The following ZFHX3 variants were observed in gnomAD, a reference collection of about 807,000 sequenced individuals.
ZFHX3 encodes the protein zinc finger homeobox protein 3.
In ZFHX3, 42 loss-of-function variants were observed where a neutral mutation model predicts 279.1. The ratio of observed to expected loss-of-function variants is 0.15; its 90% CI spans 0.12 to 0.19. The LOEUF is 0.19. ZFHX3 is among the 10% of genes least tolerant of loss of function. The pLI is 1.00. For missense variants in ZFHX3, 4,981 were observed against 4,754.0 expected, an observed-to-expected ratio of 1.05 and a Z score of -1.40; for synonymous variants, 2,293 against 1,957.8, an observed-to-expected ratio of 1.17 and a Z score of -4.52.
At chr16:73,807,574 C>A (rs1222596732) in intron 1 of ZFHX3, among the ~76,000 whole-genome samples, 1 of 151,144 alleles carries the variant, frequency 6.6e-6, no homozygotes, top group Non-Finnish European at 1.5e-5. Context: ...CCTGCCACAG[C>A]AGCCCCCAAA....
intron 5 of ZFHX3, among the ~76,000 whole-genome samples, chr16:72,819,287 C>T (rs1398112266): frequency 1.4e-5 from 2 of 141,002 alleles, no homozygotes; most frequent in South Asian, 2.6e-4. Context: ...GCCTGTCATA[C>T]ACCTTCCCTG....
intron 7 of ZFHX3, among the ~76,000 whole-genome samples, chr16:72,808,838 A>G (rs2036351225): frequency 6.6e-6 from 1 of 152,246 alleles, no homozygotes; most frequent in South Asian, 2.1e-4. Flanking sequence ...TTATATTTGC[A>G]AAATACTTGA....
chr16:73,300,829 G>C (rs1019775108), intron 4 of ZFHX3, among the ~76,000 whole-genome samples: 4 of 152,196 alleles, frequency 2.6e-5, no homozygotes, highest in Non-Finnish European at 5.9e-5. Context: ...TTGCAGACCA[G>C]TGGTCCAGGC....
At chr16:73,683,938 C>T (rs545615135) in intron 1 of ZFHX3, among the ~76,000 whole-genome samples, 1 of 152,328 alleles carries the variant, frequency 6.6e-6, no homozygotes, top group East Asian at 1.9e-4. Flanking sequence ...CAGTCTGTGC[C>T]AAACTACTCA....
intron 1 of ZFHX3, among the ~76,000 whole-genome samples, chr16:73,818,792 G>C (rs1487693223): frequency 6.6e-6 from 1 of 152,114 alleles, no homozygotes; most frequent in Non-Finnish European, 1.5e-5. Context: ...TCACAGTTTG[G>C]GCCTTCTCCT....
intron 2 of ZFHX3, among the ~76,000 whole-genome samples, chr16:73,655,227 T>C (rs147068886): frequency 1.3e-5 from 2 of 152,330 alleles, no homozygotes; most frequent in African/African-American, 4.8e-5. Flanking sequence ...ATTTCCATCT[T>C]TGAGACTGGA....
chr16:73,564,077 T>G (rs1464903339), intron 2 of ZFHX3, among the ~76,000 whole-genome samples: 1 of 152,206 alleles, frequency 6.6e-6, no homozygotes, highest in African/African-American at 2.4e-5. Context: ...AACTATGGTT[T>G]TGTCGCTAGG....
chr16:73,494,979 C>T (rs1405562727), intron 2 of ZFHX3, among the ~76,000 whole-genome samples: 1 of 152,112 alleles, frequency 6.6e-6, no homozygotes, highest in Non-Finnish European at 1.5e-5. Flanking sequence ...GTTCCACTCG[C>T]CTTGTTTCTC....
intron 2 of ZFHX3, among the ~76,000 whole-genome samples, chr16:73,603,238 T>C (rs370922428): frequency 6.6e-6 from 1 of 150,390 alleles, no homozygotes; most frequent in Non-Finnish European, 1.5e-5. Flanking sequence ...TGAGCCAAGA[T>C]TGCGACACTG....
Position 72,795,064 on chromosome 16 carries a change from G to A in ZFHX3, c.7618C>T (p.Pro2540Ser), listed in dbSNP as rs2143411092. 1 of 1,614,142 alleles carries A rather than the reference G, an allele frequency of 6.2e-7. No individual in the cohort carries two copies. The highest frequency in any genetic ancestry group is 8.5e-7 in the Non-Finnish European group (1 of 1,180,026). ...YQCDQCKLAFPSFEHWQEHQQ... is the reference protein window; with the variant it reads ...YQCDQCKLAFSSFEHWQEHQQ... ...TGCTCCTGCCAGTGCTCAAATGACG[G>A]AAATGCCAACTTACACTGGTCACAC... Residue 2540 changes from proline to serine, a missense_variant, in exon 9 of 10, where the codon CCG becomes TCG. Transcript: ENST00000268489.
At chr16:73,433,456 C>A (rs774005429) in intron 3 of ZFHX3, among the ~76,000 whole-genome samples, 3 of 152,140 alleles carry the variant, frequency 2.0e-5, no homozygotes, top group Admixed American at 6.5e-5. Context: ...AGCAAGGCGC[C>A]CAATGAGGCA....
In ZFHX3 at chr16:72,950,388, T is replaced by G. The variant is rs1418808902; in HGVS notation, c.3216+81A>C. Reference sequence around the variant, plus strand: ...GCCATGCCAGAGACTGTCCGACTCCTCCCCAGTGCTCCCTAACTCCCCGGT... The same window carrying G: ...GCCATGCCAGAGACTGTCCGACTCCGCCCCAGTGCTCCCTAACTCCCCGGT... On this transcript the variant is annotated intron_variant, in intron 3 of 9. Transcript: ENST00000268489. The G allele has an allele frequency of 8.4e-6, 13 of 1,555,752 alleles. No homozygotes were observed. In the Admixed American group the frequency reaches 1.4e-4, roughly 17 times the overall value.
chr16:73,875,365 A>G, intron 1 of ZFHX3, among the ~76,000 whole-genome samples: 1 of 152,240 alleles, frequency 6.6e-6, no homozygotes, highest in East Asian at 1.9e-4. Context: ...TAAGGTGCAA[A>G]CACAGTTACA....
At chr16:73,403,846 G>A (rs1247467145) in intron 3 of ZFHX3, among the ~76,000 whole-genome samples, 7 of 152,194 alleles carry the variant, frequency 4.6e-5, no homozygotes, top group Non-Finnish European at 1.0e-4. Context: ...GAGCCAGGAA[G>A]GAAGGATCGG....
chr16:73,365,742 G>C (rs900902903), intron 3 of ZFHX3, among the ~76,000 whole-genome samples: 1 of 152,168 alleles, frequency 6.6e-6, no homozygotes, highest in Non-Finnish European at 1.5e-5. Context: ...AATAAACACA[G>C]CCTGTAGAAA....
At chr16:73,599,992 C>G (rs1255192400) in intron 2 of ZFHX3, among the ~76,000 whole-genome samples, 1 of 152,152 alleles carries the variant, frequency 6.6e-6, no homozygotes, top group Admixed American at 6.5e-5. Flanking sequence ...TTTTCCCCAC[C>G]CACTTTTGGG....
At chr16:72,819,405 T>G (rs1172339713) in intron 5 of ZFHX3, among the ~76,000 whole-genome samples, 2 of 152,220 alleles carry the variant, frequency 1.3e-5, no homozygotes, top group Admixed American at 6.5e-5. Flanking sequence ...GATCGCAGCC[T>G]TGAGGTTCAG....
intron 5 of ZFHX3, among the ~76,000 whole-genome samples, chr16:73,211,898 G>A (rs545533590): frequency 6.4e-4 from 98 of 152,038 alleles, no homozygotes; most frequent in African/African-American, 1.9e-3. Context: ...TTCAATCAGC[G>A]CAGTTCTATT....
rs1477189561 is a variant in ZFHX3 at position 73,338,725 on chromosome 16, G to T, written c.-1290-20389C>A. On this transcript the variant is annotated intron_variant, in intron 3 of 17. Transcript: ENST00000641206. Reference sequence around the variant, plus strand: ...TTTAAATGCCAGATTATCTTTCTGGGTGATATAGTTTGGATGTGTGTCCCT... The same window carrying T: ...TTTAAATGCCAGATTATCTTTCTGGTTGATATAGTTTGGATGTGTGTCCCT... Among the ~76,000 whole-genome samples, 6 of 152,238 alleles carry T rather than the reference G, an allele frequency of 3.9e-5. No homozygotes were observed. In the East Asian group the frequency reaches 9.7e-4, roughly 24 times the overall value.
Sources: gnomAD v4.1 joint callset for allele counts (sites outside exome capture counted in the v4.1 genomes callset) on GRCh38, gnomAD v4.1.1 for gene constraint, MANE v1.5 for transcripts, NCBI Gene and HGNC (gene_info 2026-07-23, HGNC 2026-07-21) for gene names.